CACNA2D3: variants seen among roughly 807,000 people sequenced by gnomAD.
The protein encoded by CACNA2D3 is voltage-dependent calcium channel subunit alpha-2/delta-3.
In CACNA2D3, 60 loss-of-function variants were observed where a neutral mutation model predicts 160.6. The observed-to-expected ratio is 0.37, with a 90% CI of 0.30 to 0.46. CACNA2D3 has a LOEUF of 0.46. CACNA2D3 is among the 20% of genes least tolerant of loss of function. The pLI is 1.00. For missense variants in CACNA2D3, 1,205 were observed against 1,365.0 expected, an observed-to-expected ratio of 0.88 and a Z score of 1.85; for synonymous variants, 558 against 492.9, an observed-to-expected ratio of 1.13 and a Z score of -1.75.
At chr3:54,814,787 G>A (rs1703411254) in intron 13 of CACNA2D3, among the ~76,000 whole-genome samples, 1 of 152,126 alleles carries the variant, frequency 6.6e-6, no homozygotes, top group African/African-American at 2.4e-5. Context: ...GTCAAAAAGA[G>A]GTGTTTCCTG....
chr3:54,208,881 C>T (rs1047730554), intron 2 of CACNA2D3, among the ~76,000 whole-genome samples: 79 of 152,094 alleles, frequency 5.2e-4, no homozygotes, highest in African/African-American at 1.8e-3. Flanking sequence ...TTAATGGACT[C>T]ATAGTTCCAT....
At chr3:54,786,538 C>T in intron 13 of CACNA2D3, among the ~76,000 whole-genome samples, 1 of 152,176 alleles carries the variant, frequency 6.6e-6, no homozygotes, top group Non-Finnish European at 1.5e-5. Context: ...ACTTTGTAAG[C>T]ATCCCAGGAC....
intron 3 of CACNA2D3, among the ~76,000 whole-genome samples, chr3:54,351,784 A>C (rs1044987223): frequency 6.6e-6 from 1 of 152,180 alleles, no homozygotes; most frequent in African/African-American, 2.4e-5. Flanking sequence ...AGCACATCCT[A>C]GTTTTATCAT....
At chr3:54,519,861 G>A (rs2106985617) in intron 5 of CACNA2D3, among the ~76,000 whole-genome samples, 1 of 152,378 alleles carries the variant, frequency 6.6e-6, no homozygotes, top group Middle Eastern at 3.4e-3. Context: ...TAAATGGGCA[G>A]TGAGTATTAA....
intron 11 of CACNA2D3, among the ~76,000 whole-genome samples, chr3:54,750,859 T>G (rs1045316079): frequency 3.3e-5 from 5 of 151,048 alleles, no homozygotes; most frequent in African/African-American, 1.2e-4. Flanking sequence ...AACCTCCGCC[T>G]CCCAGGTTCA....
intron 2 of CACNA2D3, among the ~76,000 whole-genome samples, chr3:54,226,958 C>T (rs1485543312): frequency 6.6e-6 from 1 of 152,174 alleles, no homozygotes; most frequent in Non-Finnish European, 1.5e-5. Flanking sequence ...TCTAGTCCAT[C>T]ATTGCAGTAA....
chr3:54,457,104 C>G (rs1329902555), intron 4 of CACNA2D3, among the ~76,000 whole-genome samples: 1 of 151,272 alleles, frequency 6.6e-6, no homozygotes, highest in African/African-American at 2.4e-5. Context: ...TTTCCATGTA[C>G]TAATTTGGGG....
chr3:54,577,666 A>C (rs1174525548), intron 8 of CACNA2D3, among the ~76,000 whole-genome samples: 1 of 152,132 alleles, frequency 6.6e-6, no homozygotes. Flanking sequence ...GTGCCTGTGC[A>C]CCTAGATGCC....
intron 9 of CACNA2D3, among the ~76,000 whole-genome samples, chr3:54,605,456 C>G (rs1698584085): frequency 6.6e-6 from 1 of 152,154 alleles, no homozygotes; most frequent in African/African-American, 2.4e-5. Context: ...TTCAGACATG[C>G]AATGACTTTT....
At chr3:54,795,772 C>G (rs747483551) in intron 13 of CACNA2D3, among the ~76,000 whole-genome samples, 10 of 152,116 alleles carry the variant, frequency 6.6e-5, no homozygotes, top group Non-Finnish European at 1.5e-4. Flanking sequence ...ACTTTCTATA[C>G]TAAGAGAAAA....
In CACNA2D3 at chr3:54,710,500, A is replaced by G. The variant is rs893859806; in HGVS notation, c.1168-42099A>G. Among the ~76,000 whole-genome samples, 3 of 152,144 alleles carry G rather than the reference A, an allele frequency of 2.0e-5. No homozygotes were observed. The East Asian group carries it at 5.8e-4, about 29-fold the overall frequency. On this transcript the variant is annotated intron_variant, in intron 11 of 37. Transcript: ENST00000474759. ...CAAGCGGGAGAGAAAGATTGAGGCA[A>G]ATTGCACAGGCAGGTTTTTAGCCAG...
At chr3:54,425,392 C>G (rs970831475) in intron 4 of CACNA2D3, among the ~76,000 whole-genome samples, 5 of 152,188 alleles carry the variant, frequency 3.3e-5, no homozygotes, top group Admixed American at 6.5e-5. Context: ...GCCAGGTAGC[C>G]ATTTAATAGC....
intron 13 of CACNA2D3, among the ~76,000 whole-genome samples, chr3:54,795,083 T>C (rs1208445097): frequency 4.6e-5 from 7 of 151,988 alleles, no homozygotes; most frequent in African/African-American, 4.8e-5. Flanking sequence ...ATTTTTCAAC[T>C]TTTTTTTCTC....
intron 8 of CACNA2D3, among the ~76,000 whole-genome samples, chr3:54,577,479 G>T (rs1450018156): frequency 1.3e-5 from 2 of 152,126 alleles, no homozygotes; most frequent in Non-Finnish European, 2.9e-5. Flanking sequence ...GATCTCCAGA[G>T]AAGGCCAAGG....
intron 17 of CACNA2D3, among the ~76,000 whole-genome samples, chr3:54,853,167 C>G (rs1423860646): frequency 1.3e-5 from 2 of 152,008 alleles, no homozygotes; most frequent in Admixed American, 1.3e-4. Flanking sequence ...CTGCGCCCAC[C>G]CAGAGAAGCC....
intron 35 of CACNA2D3, 114 bp from the exon 36 acceptor site, chr3:55,073,331 C>A (rs1559480190): frequency 2.9e-6 from 2 of 689,652 alleles, no homozygotes; most frequent in Non-Finnish European, 5.1e-6. Context: ...AAATAGTCTC[C>A]AAAATTTGCT....
chr3:54,445,105 C>T (rs946656963), intron 4 of CACNA2D3, among the ~76,000 whole-genome samples: 2 of 152,184 alleles, frequency 1.3e-5, no homozygotes, highest in African/African-American at 4.8e-5. Context: ...AACCAGGTGT[C>T]CAATGACAAA....
chr3:54,372,504 T>A (rs1698942197), intron 3 of CACNA2D3, among the ~76,000 whole-genome samples: 1 of 152,180 alleles, frequency 6.6e-6, no homozygotes, highest in Non-Finnish European at 1.5e-5. Flanking sequence ...AGGTGAGCAT[T>A]GTATAGATAC....
At chr3:54,864,958 T>C (rs1699367213) in intron 17 of CACNA2D3, among the ~76,000 whole-genome samples, 1 of 152,148 alleles carries the variant, frequency 6.6e-6, no homozygotes, top group Non-Finnish European at 1.5e-5. Flanking sequence ...GTTGTGAAAA[T>C]GAAACGAGAC....
Sources: gnomAD v4.1 joint callset for allele counts (sites outside exome capture counted in the v4.1 genomes callset) on GRCh38, gnomAD v4.1.1 for gene constraint, MANE v1.5 for transcripts, NCBI Gene and HGNC (gene_info 2026-07-23, HGNC 2026-07-21) for gene names.